HACE1: variants seen among roughly 807,000 people sequenced by gnomAD.
HACE1 encodes the protein E3 ubiquitin-protein ligase HACE1.
Under a neutral mutation model 118.4 loss-of-function variants are expected in HACE1, and 73 were observed. The ratio of observed to expected loss-of-function variants is 0.62; its 90% CI spans 0.51 to 0.75. The LOEUF (loss-of-function observed/expected upper bound fraction) is 0.75. Among genes scored for constraint, HACE1 ranks in the 30% least tolerant of loss-of-function variants. HACE1 has a pLI of 0.00. For synonymous variants in HACE1, 368 were observed against 374.8 expected (o/e 0.98, Z 0.21); for missense variants, 749 against 1,102.2 (o/e 0.68, Z 4.54).
At chr6:104,853,359 AT>A (rs1283412899) in intron 1 of HACE1, among the ~76,000 whole-genome samples, 2 of 152,230 alleles carry the variant, frequency 1.3e-5, no homozygotes, top group Admixed American at 6.5e-5. Context: ...TCACAAAAAC[AT>A]GACCCAAAAG....
chr6:104,741,234 C>T lies in HACE1; in HGVS notation c.2513+2926G>A, dbSNP rs897194348. Among the ~76,000 whole-genome samples the T allele has an allele frequency of 2.0e-3, 229 of 112,328 alleles. 6 individuals are homozygous for T. The highest frequency in any genetic ancestry group is 3.1e-3 in the Non-Finnish European group (181 of 57,640). 73.7% of individuals were successfully genotyped at this position (112,328 alleles called of 152,430 possible). A position where few individuals can be genotyped will look rare whatever the true frequency, so the allele number is the denominator to read the frequency against. On this transcript the variant is annotated intron_variant, in intron 22 of 23. Coordinates refer to ENST00000262903, the MANE Select transcript of HACE1 (RefSeq NM_020771.4). Reference sequence around the variant, plus strand: ...AATGGGCAAAAACTGGAAGCATTCCCTTTGAAAACTGGCACAAGACAGGGA... The same window carrying T: ...AATGGGCAAAAACTGGAAGCATTCCTTTTGAAAACTGGCACAAGACAGGGA...
chr6:104,848,098 C>T (rs1423639827), intron 4 of HACE1, among the ~76,000 whole-genome samples: 4 of 151,516 alleles, frequency 2.6e-5, no homozygotes, highest in African/African-American at 7.3e-5. Context: ...ATGATCCGCC[C>T]GCCTTGGCCT....
intron 10 of HACE1, among the ~76,000 whole-genome samples, chr6:104,794,741 T>C (rs1180134318): frequency 6.6e-6 from 1 of 152,078 alleles, no homozygotes; most frequent in Non-Finnish European, 1.5e-5. Context: ...CCATCTCTAC[T>C]GAAAATACAA....
chr6:104,772,597 T>C (rs911204574), intron 17 of HACE1, among the ~76,000 whole-genome samples: 1 of 152,206 alleles, frequency 6.6e-6, no homozygotes, highest in Non-Finnish European at 1.5e-5. Flanking sequence ...GTGACAGGCC[T>C]AGTCAATGAA....
At chr6:104,801,807 G>A (rs1044241270) in intron 7 of HACE1, among the ~76,000 whole-genome samples, 3 of 151,974 alleles carry the variant, frequency 2.0e-5, no homozygotes, top group South Asian at 2.1e-4. Flanking sequence ...ATCAATTAAC[G>A]GGCAAGATAA....
At chr6:104,732,324 T>C (rs1408383745) in intron 22 of HACE1, 1 of 152,206 alleles carries the variant, frequency 6.6e-6, no homozygotes, top group Admixed American at 6.5e-5. Context: ...CATCAACAGA[T>C]GGCTGGATTA....
At chr6:104,775,034 T>C (rs1328024794) in intron 17 of HACE1, among the ~76,000 whole-genome samples, 1 of 152,076 alleles carries the variant, frequency 6.6e-6, no homozygotes, top group Non-Finnish European at 1.5e-5. Flanking sequence ...TGATATGGCT[T>C]ACAAAAAAGA....
At chr6:104,772,132 TA>T in intron 17 of HACE1, 58 bp from the exon 18 acceptor site, 3 of 964,554 alleles carry the variant, frequency 3.1e-6, no homozygotes, top group Non-Finnish European at 4.9e-6. Flanking sequence ...GAAGAAAGAT[TA>T]CTTCGATGCA....
chr6:104,857,145 T>TTA, intron 1 of HACE1, among the ~76,000 whole-genome samples: 1 of 148,814 alleles, frequency 6.7e-6, no homozygotes, highest in African/African-American at 2.4e-5. Context: ...AGTAGGAATG[T>TTA]TATATATATA....
At chr6:104,740,187 T>C in intron 22 of HACE1, among the ~76,000 whole-genome samples, 1 of 145,470 alleles carries the variant, frequency 6.9e-6, no homozygotes, top group East Asian at 1.9e-4. Context: ...GGGAAATTTA[T>C]AGCACTAAAT....
chr6:104,761,868 C>G (rs893449952), intron 19 of HACE1, among the ~76,000 whole-genome samples: 5 of 151,978 alleles, frequency 3.3e-5, no homozygotes, highest in African/African-American at 7.2e-5. Context: ...AACAAACAAC[C>G]CCATCAAAAA....
chr6:104,803,179 C>T (rs1366385535), intron 7 of HACE1, among the ~76,000 whole-genome samples: 1 of 152,134 alleles, frequency 6.6e-6, no homozygotes, highest in Non-Finnish European at 1.5e-5. Flanking sequence ...ATAATAGGCT[C>T]TGAAATTGAG....
intron 6 of HACE1, among the ~76,000 whole-genome samples, chr6:104,825,771 C>T (rs1773267249): frequency 6.6e-6 from 1 of 152,202 alleles, no homozygotes; most frequent in Non-Finnish European, 1.5e-5. Context: ...GTGGAGTATA[C>T]TTTTGTTTTC....
At chr6:104,827,953 T>G (rs1582671272) in intron 6 of HACE1, among the ~76,000 whole-genome samples, 1 of 152,146 alleles carries the variant, frequency 6.6e-6, no homozygotes, top group South Asian at 2.1e-4. Context: ...GTGAAATTTA[T>G]TTTTAAATAA....
At position 104,777,029 on chromosome 6, in the gene HACE1, T is replaced by C. The variant is rs1781288254; in HGVS notation, c.1760A>G (p.His587Arg). The change falls in exon 16 of 24, where the codon CAT becomes CGT. Residue 587 changes from histidine to arginine, a missense_variant. Coordinates refer to ENST00000262903, the MANE Select transcript of HACE1 (RefSeq NM_020771.4). ...TATACCCACCATGCCTTCTTCTCCA[T>C]GGAACCGTACAGCAATCCCTTGCTT... ...KLKQGIAVRF[H>R]GEEGMGQGVV... 1 of 1,609,544 alleles carries C rather than the reference T, an allele frequency of 6.2e-7. No individual in the cohort carries two copies. Among genetic ancestry groups the C allele is most frequent in the South Asian group, 1.1e-5 (1 of 90,964 alleles).
intron 6 of HACE1, among the ~76,000 whole-genome samples, chr6:104,825,686 A>G (rs756807307): frequency 3.3e-5 from 5 of 152,210 alleles, no homozygotes; most frequent in African/African-American, 9.6e-5. Context: ...AATGGGAAAC[A>G]TATATGGGGT....
chr6:104,828,322 C>T (rs1773532293), intron 6 of HACE1, among the ~76,000 whole-genome samples: 1 of 151,996 alleles, frequency 6.6e-6, no homozygotes, highest in Non-Finnish European at 1.5e-5. Flanking sequence ...TCACATCACA[C>T]ATATTAATAA....
chr6:104,729,675 TA>T lies in HACE1; in HGVS notation c.2716del (p.Tyr906ThrfsTer34). 2 of 1,481,046 alleles carry T rather than the reference TA, an allele frequency of 1.4e-6. No individual in the cohort carries two copies. The highest frequency in any genetic ancestry group is 9.4e-7 in the Non-Finnish European group (1 of 1,058,630). 91.7% of individuals were successfully genotyped at this position (1,481,046 alleles called of 1,614,324 possible). On this transcript the variant is annotated frameshift_variant, in exon 24 of 24. Transcript: ENST00000262903. LOFTEE classifies it high-confidence loss of function. Reference protein sequence around the residue: ...LVALHCGSYGYTMA With the variant: ...LVALHCGSYGXTMA ...TTCCAGACTTCATTATGCCATTGTG[TA>T]ACCATAGCTGCCACAATGTAGTGCC...
chr6:104,850,835 T>C, intron 3 of HACE1, 72 bp downstream of exon 3: 2 of 925,908 alleles, frequency 2.2e-6, no homozygotes, highest in Non-Finnish European at 3.6e-6. Context: ...AAATATTGTG[T>C]GATAATGCTG....
Sources: gnomAD v4.1 joint callset for allele counts (sites outside exome capture counted in the v4.1 genomes callset) on GRCh38, gnomAD v4.1.1 for gene constraint, MANE v1.5 for transcripts, NCBI Gene and HGNC (gene_info 2026-07-23, HGNC 2026-07-21) for gene names.